AMZ1: variants seen among roughly 807,000 people sequenced by gnomAD.
The protein encoded by AMZ1 is archaemetzincin-1.
Under a neutral mutation model 29.9 loss-of-function variants are expected in AMZ1, and 39 were observed. The observed-to-expected ratio is 1.30, with a 90% CI of 1.01 to 1.70. The LOEUF is 1.70. Among genes scored for constraint, AMZ1 ranks in the 40% most tolerant of loss-of-function variants. The pLI is 0.00. For synonymous variants in AMZ1, 458 were observed against 304.0 expected (o/e 1.51, Z -5.27); for missense variants, 1,041 against 680.6 (o/e 1.53, Z -5.89).
chr7:2,713,105 A>C lies in AMZ1; in HGVS notation c.*227A>C, dbSNP rs1054401688. On this transcript the variant is annotated 3_prime_UTR_variant, in exon 7 of 7. Coordinates refer to ENST00000683327, the MANE Select transcript of AMZ1 (RefSeq NM_001384743.1). Reference sequence around the variant, plus strand: ...AAAAATTAAAAAATTAGCTGGATGAAGTGGTTCATGCCTGTGTTCCCAGCT... The same window carrying C: ...AAAAATTAAAAAATTAGCTGGATGACGTGGTTCATGCCTGTGTTCCCAGCT... 3 of 423,474 alleles carry C rather than the reference A, an allele frequency of 7.1e-6. No individual in the cohort carries two copies. The highest frequency in any genetic ancestry group is 6.2e-5 in the African/African-American group (3 of 48,772). 26.2% of individuals were successfully genotyped at this position (423,474 alleles called of 1,614,324 possible).
intron 1 of AMZ1, among the ~76,000 whole-genome samples, chr7:2,693,444 A>G (rs1787524836): frequency 6.6e-6 from 1 of 152,152 alleles, no homozygotes; most frequent in South Asian, 2.1e-4. Context: ...CAGTGGTGCG[A>G]TCACAGCTCA....
At chr7:2,707,162 A>G (rs552021216) in intron 3 of AMZ1, among the ~76,000 whole-genome samples, 14 of 152,056 alleles carry the variant, frequency 9.2e-5, no homozygotes, top group Admixed American at 2.0e-4. Flanking sequence ...AATCCCTGCT[A>G]CTCAGGAAGC....
intron 4 of AMZ1, among the ~76,000 whole-genome samples, chr7:2,757,764 T>C (rs1237697307): frequency 1.3e-5 from 2 of 152,252 alleles, no homozygotes; most frequent in African/African-American, 4.8e-5. Context: ...TCATCTTCCC[T>C]GCACATTCTC....
At chr7:2,687,985 C>A (rs780806944), upstream of AMZ1, among the ~76,000 whole-genome samples, 1 of 151,620 alleles carries the variant, frequency 6.6e-6, no homozygotes, top group East Asian at 2.0e-4. Flanking sequence ...ACCTCCCTCA[C>A]CTGTTTGGCT....
At chr7:2,705,594 G>A (rs1462956470) in intron 3 of AMZ1, among the ~76,000 whole-genome samples, 2 of 152,302 alleles carry the variant, frequency 1.3e-5, no homozygotes, top group South Asian at 2.1e-4. Flanking sequence ...CTGCCTGTCT[G>A]GCCATCTTTT....
chr7:2,762,900 C>T (rs1219699677), upstream of AMZ1: 11 of 1,421,366 alleles, frequency 7.7e-6, no homozygotes, highest in East Asian at 2.7e-5. Flanking sequence ...GGTGCTGCGG[C>T]GGGGAGAAGA....
chr7:2,753,124 GTACT>G (rs925662655), intron 4 of AMZ1, among the ~76,000 whole-genome samples: 1 of 151,400 alleles, frequency 6.6e-6, no homozygotes, highest in Non-Finnish European at 1.5e-5. Context: ...TTTCTAGAGT[GTACT>G]TAAAGTGAAA....
intron 5 of AMZ1, 94 bp from the exon 6 acceptor site, chr7:2,709,546 A>G (rs558550939): frequency 1.3e-6 from 2 of 1,511,222 alleles, no homozygotes; most frequent in Non-Finnish European, 1.8e-6. Context: ...GGCCTCACCC[A>G]GGTCCTCATT....
chr7:2,737,250 G>A (rs1411199171), intron 4 of AMZ1, among the ~76,000 whole-genome samples: 1 of 144,382 alleles, frequency 6.9e-6, no homozygotes, highest in African/African-American at 2.6e-5. Flanking sequence ...TGCCCATTCA[G>A]GAGCTATCTC....
chr7:2,735,305 C>A (rs956284948), intron 4 of AMZ1, among the ~76,000 whole-genome samples: 1 of 152,160 alleles, frequency 6.6e-6, no homozygotes, highest in Non-Finnish European at 1.5e-5. Flanking sequence ...CCAAGCCACC[C>A]TTGCCCGTTT....
downstream of AMZ1, among the ~76,000 whole-genome samples, chr7:2,723,412 G>T (rs528516337): frequency 6.6e-6 from 1 of 152,372 alleles, no homozygotes; most frequent in Admixed American, 6.5e-5. Flanking sequence ...CTTGATGCCC[G>T]AGTTTCAAAG....
At chr7:2,697,024 T>C (rs1002040480) in intron 1 of AMZ1, among the ~76,000 whole-genome samples, 3 of 152,248 alleles carry the variant, frequency 2.0e-5, no homozygotes, top group African/African-American at 7.2e-5. Flanking sequence ...GGAGTCCATC[T>C]TGAGGAGATG....
intron 4 of AMZ1, chr7:2,733,557 G>A: frequency 5.8e-6 from 8 of 1,372,304 alleles, no homozygotes; most frequent in East Asian, 2.3e-5. Flanking sequence ...TCCTGATGTG[G>A]CAAATACAAG....
intron 3 of AMZ1, among the ~76,000 whole-genome samples, chr7:2,705,797 G>A (rs186960511): frequency 1.4e-3 from 218 of 152,268 alleles, no homozygotes; most frequent in African/African-American, 4.9e-3. Context: ...TCCTACAGTG[G>A]GGTCTGGGGA....
rs1207366477 is a variant in AMZ1 at position 2,716,728 on chromosome 7, G to C, written c.*3850G>C. On this transcript the variant is annotated 3_prime_UTR_variant, in exon 7 of 7. Coordinates refer to ENST00000683327, the MANE Select transcript of AMZ1 (RefSeq NM_001384743.1). ...CCCTGCCCAAGGCCCACCTGGACAG[G>C]CAAGTCTTCCCTAGTGGGTCAGTCA... 6.6e-6 allele frequency among the ~76,000 whole-genome samples: 1 copy of C among 152,242 alleles called. No individual in the cohort carries two copies. Among genetic ancestry groups the C allele is most frequent in the Non-Finnish European group, 1.5e-5 (1 of 68,040 alleles).
rs546700774 is a variant in AMZ1 at position 2,680,676 on chromosome 7, G to C, written c.-219+1005G>C. Among the ~76,000 whole-genome samples the C allele has an allele frequency of 5.3e-5, 8 of 152,362 alleles. 1 individual carries two copies. The highest frequency in any genetic ancestry group is 2.1e-4 in the South Asian group (1 of 4,832). On this transcript the variant is annotated intron_variant, in intron 1 of 6. Coordinates refer to the AMZ1 transcript ENST00000312371. ...GCTTCAGGCCAGCTCTGGTCTCTTG[G>C]ACGAAGCCGCTGGGCCGTGGGTTCA...
chr7:2,684,393 G>A (rs1386648764), upstream of AMZ1, among the ~76,000 whole-genome samples: 1 of 152,076 alleles, frequency 6.6e-6, no homozygotes, highest in Non-Finnish European at 1.5e-5. Context: ...ACATTTTTGG[G>A]AGCCGCTATG....
At chr7:2,739,484 T>A (rs1790388821) in intron 4 of AMZ1, among the ~76,000 whole-genome samples, 1 of 98,932 alleles carries the variant, frequency 1.0e-5, no homozygotes, top group Non-Finnish European at 2.4e-5. Flanking sequence ...GGCCAATATA[T>A]ATATATGTAT....
At chr7:2,691,304 A>G (rs1787373366) in intron 1 of AMZ1, among the ~76,000 whole-genome samples, 1 of 147,838 alleles carries the variant, frequency 6.8e-6, no homozygotes, top group Non-Finnish European at 1.5e-5. Context: ...GACTGGAGTC[A>G]GGGGTCTCTG....
Sources: allele counts gnomAD v4.1 joint callset (sites outside exome capture counted in the v4.1 genomes callset), GRCh38; gene constraint gnomAD v4.1.1; transcripts MANE v1.5; gene names NCBI Gene and HGNC (gene_info 2026-07-23, HGNC 2026-07-21).